The following QTGAL variants were observed in gnomAD, a reference collection of about 807,000 sequenced individuals.
QTGAL encodes queuosine-tRNA galactosyltransferase, also known as BGnT-like protein 1.
chr17:82,986,222 C>T, the QTGAL span, among the ~76,000 whole-genome samples: 1 of 152,186 alleles, frequency 6.6e-6, no homozygotes, highest in Non-Finnish European at 1.5e-5. Flanking sequence ...GCCGCCGGTG[C>T]AGACAGGAAA....
At chr17:82,981,410 C>T in the QTGAL span, 1 of 152,286 alleles carries the variant, frequency 6.6e-6, no homozygotes, top group African/African-American at 2.4e-5. Flanking sequence ...CCATGTGGGG[C>T]CAACTGTTTA....
the QTGAL span, among the ~76,000 whole-genome samples, chr17:82,954,388 C>T: frequency 5.9e-5 from 9 of 151,870 alleles, no homozygotes; most frequent in East Asian, 5.8e-4. Context: ...TGAACTCTCA[C>T]AATTGCTACA....
the QTGAL span, chr17:82,949,392 G>A: frequency 3.3e-5 from 5 of 152,202 alleles, no homozygotes; most frequent in East Asian, 3.8e-4. Context: ...ATCGAAGAGC[G>A]GGTGTTTTAG....
chr17:83,040,106 C>A, the QTGAL span, among the ~76,000 whole-genome samples: 1 of 152,204 alleles, frequency 6.6e-6, no homozygotes, highest in African/African-American at 2.4e-5. Context: ...GGCTCCTGAT[C>A]CTGGATGTGT....
chr17:82,979,394 G>C, the QTGAL span: 1 of 152,202 alleles, frequency 6.6e-6, no homozygotes, highest in East Asian at 1.9e-4. Flanking sequence ...ATCGCAAGCT[G>C]CCAGAGCTGT....
the QTGAL span, among the ~76,000 whole-genome samples, chr17:82,982,889 T>C: frequency 9.2e-5 from 14 of 152,074 alleles, no homozygotes; most frequent in East Asian, 2.7e-3. Context: ...ACGTGGAGTT[T>C]CTGGTTTGGG....
chr17:82,969,484 C>T, the QTGAL span, among the ~76,000 whole-genome samples: 1 of 151,780 alleles, frequency 6.6e-6, no homozygotes, highest in African/African-American at 2.4e-5. Context: ...GCTGGGATTA[C>T]AGGCGTGAGC....
At chr17:83,012,434 CAA>C in the QTGAL span, among the ~76,000 whole-genome samples, 1 of 152,214 alleles carries the variant, frequency 6.6e-6, no homozygotes, top group South Asian at 2.1e-4. Context: ...ACACTCCTAA[CAA>C]AATTCCTTAG....
chr17:82,952,793 A>G, the QTGAL span, among the ~76,000 whole-genome samples: 40 of 152,216 alleles, frequency 2.6e-4, no homozygotes, highest in African/African-American at 9.7e-4. Flanking sequence ...TTAACCACAT[A>G]ATTGGAAGTG....
the QTGAL span, among the ~76,000 whole-genome samples, chr17:82,967,409 A>G: frequency 0.013 from 2,036 of 152,218 alleles, 62 homozygotes; most frequent in African/African-American, 0.047. Flanking sequence ...TTTGAAGCCT[A>G]AAGACTTTCT....
the QTGAL span, among the ~76,000 whole-genome samples, chr17:83,039,985 A>T: frequency 6.6e-6 from 1 of 152,024 alleles, no homozygotes; most frequent in Non-Finnish European, 1.5e-5. Context: ...GGGACCGTAA[A>T]CCCTCAGCCG....
chr17:82,963,515 C>T, the QTGAL span, among the ~76,000 whole-genome samples: 2 of 152,196 alleles, frequency 1.3e-5, no homozygotes, highest in African/African-American at 2.4e-5. Flanking sequence ...ACAATAGCAA[C>T]AAACCCCAAA....
the QTGAL span, chr17:83,035,170 G>A: frequency 2.0e-5 from 25 of 1,258,258 alleles, no homozygotes; most frequent in Non-Finnish European, 2.8e-5. Flanking sequence ...ATAGAGCTTA[G>A]TATATGATAT....
At chr17:83,011,376 C>T in the QTGAL span, 4 of 152,234 alleles carry the variant, frequency 2.6e-5, no homozygotes, top group East Asian at 7.7e-4. Flanking sequence ...ATCAAAGGTC[C>T]TTCCTAATTA....
chr17:83,008,925 C>T, the QTGAL span, among the ~76,000 whole-genome samples: 3 of 152,144 alleles, frequency 2.0e-5, no homozygotes, highest in Admixed American at 6.5e-5. Flanking sequence ...AGGATGCCTG[C>T]GAATGGAGAC....
the QTGAL span, among the ~76,000 whole-genome samples, chr17:82,988,089 T>C: frequency 2.6e-5 from 4 of 152,216 alleles, no homozygotes; most frequent in African/African-American, 7.2e-5. Flanking sequence ...TGTTGGTGTA[T>C]AGGAATGCTT....
the QTGAL span, among the ~76,000 whole-genome samples, chr17:83,002,891 C>T: frequency 4.6e-5 from 2 of 43,860 alleles, no homozygotes; most frequent in South Asian, 8.1e-4. Flanking sequence ...CCGCCCTCCG[C>T]GTGTGGGATT....
chr17:82,989,495 T>TAAAAAA, the QTGAL span, among the ~76,000 whole-genome samples: 1 of 122,520 alleles, frequency 8.2e-6, no homozygotes. Context: ...ATTCTGGAAC[T>TAAAAAA]AAAAAAAAAA....
chr17:82,982,073 C>T, the QTGAL span, among the ~76,000 whole-genome samples: 1 of 145,768 alleles, frequency 6.9e-6, no homozygotes, highest in African/African-American at 2.6e-5. Context: ...GGTGGAGGAG[C>T]CTCCATCCTT....
Sources: allele counts gnomAD v4.1 joint callset (sites outside exome capture counted in the v4.1 genomes callset), GRCh38; gene constraint gnomAD v4.1.1; transcripts MANE v1.5; gene names NCBI Gene and HGNC (gene_info 2026-07-23, HGNC 2026-07-21).